Variants in CCDC110 observed in about 807,000 individuals in gnomAD.
CCDC110 encodes coiled-coil domain containing 110, also known as coiled-coil domain-containing protein 110.
In CCDC110, 70 loss-of-function variants were observed where a neutral mutation model predicts 77.1. The ratio of observed to expected loss-of-function variants is 0.91; its 90% CI spans 0.75 to 1.11. CCDC110 has a LOEUF of 1.11. Ranked by LOEUF, CCDC110 falls within the 50% of genes least tolerant of loss-of-function variation. The pLI is 0.00. For missense variants in CCDC110, 868 were observed against 942.9 expected, an observed-to-expected ratio of 0.92 and a Z score of 1.04; for synonymous variants, 295 against 312.5, an observed-to-expected ratio of 0.94 and a Z score of 0.59.
chr4:185,448,175 C>G (rs987587941), intron 6 of CCDC110, among the ~76,000 whole-genome samples: 1 of 152,008 alleles, frequency 6.6e-6, no homozygotes, highest in East Asian at 1.9e-4. Flanking sequence ...CGCCCACCAC[C>G]ACGCCCAGCT....
rs771665246 is a variant in CCDC110 at position 185,470,988 on chromosome 4, T to C, written c.72A>G (p.Leu24=). 2.1e-5 allele frequency: 33 copies of C among 1,609,408 alleles called. No homozygotes were observed. The highest frequency in any genetic ancestry group is 2.8e-5 in the Non-Finnish European group (33 of 1,179,104). Residue 24 remains leucine, a synonymous_variant, in exon 2 of 7, where the codon CTA becomes CTG. Coordinates refer to ENST00000307588, the MANE Select transcript of CCDC110 (RefSeq NM_152775.4). ...TTTCCTTCACCCCCTCCGAAGAATTTAGGATCTTGGACGCTGAAAGGAGAA... is the reference window on the plus strand; with the variant it reads ...TTTCCTTCACCCCCTCCGAAGAATTCAGGATCTTGGACGCTGAAAGGAGAA... ...DSVLLSASKI[L]NSSEGVKESG...
chr4:185,463,907 G>T (rs1489484312), intron 2 of CCDC110, among the ~76,000 whole-genome samples: 3 of 152,092 alleles, frequency 2.0e-5, no homozygotes, highest in East Asian at 1.9e-4. Flanking sequence ...TTTGCTTGGC[G>T]ACTCCGATAC....
At chr4:185,457,084 C>A in intron 6 of CCDC110, 1 of 334,898 alleles carries the variant, frequency 3.0e-6, no homozygotes, top group South Asian at 2.4e-5. Flanking sequence ...GGAGTTTATC[C>A]CAGGAATTCA....
intron 2 of CCDC110, among the ~76,000 whole-genome samples, chr4:185,466,372 T>C (rs2095656082): frequency 6.6e-6 from 1 of 151,748 alleles, no homozygotes; most frequent in Non-Finnish European, 1.5e-5. Flanking sequence ...CGAAACTCCA[T>C]CTAAAATAAA....
Position 185,459,982 on chromosome 4 carries a change from C to A in CCDC110, c.605G>T (p.Arg202Leu), listed in dbSNP as rs201279686. The A allele has an allele frequency of 8.1e-6, 13 of 1,613,446 alleles. No homozygotes were observed. The East Asian group carries it at 2.9e-4, about 36-fold the overall frequency. ...DILKNYNNFY[R>L]FLPTAPPNVM... ...ATTTGGAGGTGCAGTAGGTAGAAAACGATAAAAGTTATTATAATTCTTCAA... is the reference window on the plus strand; with the variant it reads ...ATTTGGAGGTGCAGTAGGTAGAAAAAGATAAAAGTTATTATAATTCTTCAA... Residue 202 changes from arginine to leucine, a missense_variant, in exon 6 of 7, where the codon CGT becomes CTT. Arg to Leu is a moderately radical substitution (Grantham distance 102). Coordinates refer to ENST00000307588, the MANE Select transcript of CCDC110 (RefSeq NM_152775.4).
chr4:185,466,870 G>A (rs1346558179), intron 2 of CCDC110, among the ~76,000 whole-genome samples: 2 of 152,182 alleles, frequency 1.3e-5, no homozygotes, highest in East Asian at 3.9e-4. Flanking sequence ...GCTGGGACTT[G>A]AGAATTCCAC....
intron 6 of CCDC110, chr4:185,457,730 C>T: frequency 7.6e-7 from 1 of 1,309,438 alleles, no homozygotes; most frequent in Admixed American, 3.3e-5. Context: ...GGAAAAAGTA[C>T]TTGGACAAAG....
chr4:185,462,446 G>A (rs1425331639), intron 4 of CCDC110, among the ~76,000 whole-genome samples, 197 bp downstream of exon 4: 1 of 152,082 alleles, frequency 6.6e-6, no homozygotes, highest in Non-Finnish European at 1.5e-5. Flanking sequence ...CTATCTCTTT[G>A]GGCTTGTTTC....
Position 185,445,340 on chromosome 4 carries a change from T to G in CCDC110, c.*162A>C. ...TCTGAAATTCCCAGCTGAGAAAGCT[T>G]AAGTTATCTGCACCAAACCATTCTG... On this transcript the variant is annotated 3_prime_UTR_variant, in exon 7 of 7. Transcript: ENST00000307588. 2 of 727,346 alleles carry G rather than the reference T, an allele frequency of 2.7e-6. No individual in the cohort carries two copies. Among genetic ancestry groups the G allele is most frequent in the Non-Finnish European group, 4.5e-6 (2 of 449,172 alleles). The allele number at this position is 727,346 out of a possible 1,614,324, so 45.1% of individuals were successfully genotyped here.
At chr4:185,471,571 G>T in intron 1 of CCDC110, 103 bp downstream of exon 1, 2 of 1,312,262 alleles carry the variant, frequency 1.5e-6, no homozygotes, top group South Asian at 1.3e-5. Context: ...GGGCGGACCC[G>T]GGATGTCCCG....
intron 2 of CCDC110, among the ~76,000 whole-genome samples, chr4:185,464,426 C>T (rs190945163): frequency 6.6e-5 from 10 of 152,072 alleles, no homozygotes; most frequent in African/African-American, 9.6e-5. Flanking sequence ...AGTCAGAGGG[C>T]GGATCTTGCT....
intron 4 of CCDC110, among the ~76,000 whole-genome samples, chr4:185,461,568 T>G (rs1487167475): frequency 6.6e-6 from 1 of 152,230 alleles, no homozygotes; most frequent in Non-Finnish European, 1.5e-5. Context: ...TGAATATGTG[T>G]GTGTTACATA....
chr4:185,458,363 C>G lies in CCDC110; in HGVS notation c.2224G>C (p.Asp742His), dbSNP rs2095639407. Reference protein sequence around the residue: ...FENSISRLTEDKILLENYVRS... With the variant: ...FENSISRLTEHKILLENYVRS... ...ACGTAATTTTCTAAAAGTATTTTGTCTTCAGTAAGTCTACTGATGCTGTTT... is the reference window on the plus strand; with the variant it reads ...ACGTAATTTTCTAAAAGTATTTTGTGTTCAGTAAGTCTACTGATGCTGTTT... The change falls in exon 6 of 7, where the codon GAC becomes CAC. Residue 742 changes from aspartate to histidine, a missense_variant. Physicochemically the swap from Asp to His is moderately conservative, Grantham distance 81. Transcript: ENST00000307588. 1.9e-6 allele frequency: 3 copies of G among 1,587,868 alleles called. No individual in the cohort carries two copies. The highest frequency in any genetic ancestry group is 2.6e-6 in the Non-Finnish European group (3 of 1,171,346).
At chr4:185,452,888 C>CAAAAAAA (rs70962569) in intron 6 of CCDC110, among the ~76,000 whole-genome samples, 1 of 67,282 alleles carries the variant, frequency 1.5e-5, no homozygotes, top group Non-Finnish European at 2.9e-5. Context: ...GAGTGAGACT[C>CAAAAAAA]AAAAAAAAAA....
At position 185,459,186 on chromosome 4, in the gene CCDC110, T is replaced by G; in HGVS notation, c.1401A>C (p.Gln467His). 1.9e-6 allele frequency: 3 copies of G among 1,601,528 alleles called. No homozygotes were observed. The highest frequency in any genetic ancestry group is 2.6e-6 in the Non-Finnish European group (3 of 1,175,784). Residue 467 changes from glutamine (Q) to histidine (H), a missense_variant, in exon 6 of 7, where the codon CAA becomes CAC. Physicochemically the swap from Gln to His is conservative, Grantham distance 24. Coordinates refer to ENST00000307588, the MANE Select transcript of CCDC110 (RefSeq NM_152775.4). ...SKMKPLIFTTQSLIQKVETYE... is the reference protein window; with the variant it reads ...SKMKPLIFTTHSLIQKVETYE... ...ATGTTTCAACTTTCTGTATGAGAGA[T>G]TGTGTGGTAAAGATAAGAGGTTTCA...
rs1210223055 is a variant in CCDC110 at position 185,458,230 on chromosome 4, G to A, written c.2357C>T (p.Ser786Leu). ...TCTTCTTGAAATGTAAGTTGTTTTTGAAGGGTCATTATGCTGATTACAAAT... is the reference window on the plus strand; with the variant it reads ...TCTTCTTGAAATGTAAGTTGTTTTTAAAGGGTCATTATGCTGATTACAAAT... ...DKICNQHNDPSKTTYISRREK... is the reference protein window; with the variant it reads ...DKICNQHNDPLKTTYISRREK... The change falls in exon 6 of 7, where the codon TCA (serine) becomes TTA (leucine). Residue 786 changes from serine to leucine, a missense_variant. Transcript: ENST00000307588. 1.2e-6 allele frequency: 2 copies of A among 1,604,716 alleles called. No individual in the cohort carries two copies. The highest frequency in any genetic ancestry group is 4.5e-5 in the East Asian group (2 of 44,632).
In CCDC110 at chr4:185,458,695, A is replaced by G. The variant is rs760450485; in HGVS notation, c.1892T>C (p.Leu631Pro). 1 of 1,604,092 alleles carries G rather than the reference A, an allele frequency of 6.2e-7. No individual in the cohort carries two copies. Among genetic ancestry groups the G allele is most frequent in the Admixed American group, 1.7e-5 (1 of 58,478 alleles). Residue 631 changes from leucine to proline, a missense_variant, in exon 6 of 7, where the codon CTT becomes CCT. Coordinates refer to ENST00000307588, the MANE Select transcript of CCDC110 (RefSeq NM_152775.4). Reference protein sequence around the residue: ...RLAKTEQETLLQIIETVKDEK... With the variant: ...RLAKTEQETLPQIIETVKDEK... The stretch of plus-strand genomic sequence containing the variant: ...ATCTTTAACTGTTTCTATTATTTGA[A>G]GAAGTGTCTCTTGTTCCGTTTTTGC...
chr4:185,463,818 C>T (rs1196077057), intron 2 of CCDC110, among the ~76,000 whole-genome samples: 1 of 152,122 alleles, frequency 6.6e-6, no homozygotes, highest in Non-Finnish European at 1.5e-5. Flanking sequence ...GAACCAACAC[C>T]CACTACTGAG....
chr4:185,456,370 T>A (rs2095636009), intron 6 of CCDC110, among the ~76,000 whole-genome samples: 1 of 94,028 alleles, frequency 1.1e-5, no homozygotes, highest in Non-Finnish European at 2.6e-5. Context: ...AGGAGCCAAG[T>A]AGCACCAGAC....
Sources: gnomAD v4.1 joint callset for allele counts (sites outside exome capture counted in the v4.1 genomes callset) on GRCh38, gnomAD v4.1.1 for gene constraint, MANE v1.5 for transcripts, NCBI Gene and HGNC (gene_info 2026-07-23, HGNC 2026-07-21) for gene names.